The following SYT14 variants were observed in gnomAD, a reference collection of about 807,000 sequenced individuals.
The protein encoded by SYT14 is synaptotagmin-14.
A neutral mutation model predicts 74.2 loss-of-function variants in SYT14; 32 were observed. That is an observed-to-expected ratio of 0.43 (90% CI 0.33 to 0.58). The LOEUF (loss-of-function observed/expected upper bound fraction) is 0.58, where lower values mean the gene tolerates loss of function less well. SYT14 is among the 20% of genes least tolerant of loss of function. The pLI is 0.05. For missense variants in SYT14, 791 were observed against 981.8 expected (o/e 0.81, Z 2.60); for synonymous variants, 298 against 337.7 (o/e 0.88, Z 1.29).
At chr1:210,112,392 A>G (rs1198208810) in intron 7 of SYT14, among the ~76,000 whole-genome samples, 1 of 151,500 alleles carries the variant, frequency 6.6e-6, no homozygotes, top group Non-Finnish European at 1.5e-5. Context: ...TCTAAGAGGC[A>G]GGCTAGTGGC....
In SYT14 at chr1:210,008,427, G is replaced by A. The variant is rs141331958; in HGVS notation, c.-485-5206G>A. ...CGCTCAGGCTGGAATGCAGTGGCGC[G>A]ATCTCAGCTCACTGCAGCCTCTGCC... On this transcript the variant is annotated intron_variant, in intron 2 of 9. Coordinates refer to ENST00000637265, the Ensembl canonical transcript of SYT14. Among the ~76,000 whole-genome samples, 1,142 of 152,110 alleles carry A rather than the reference G, an allele frequency of 7.5e-3. 18 individuals carry two copies. Among genetic ancestry groups the A allele is most frequent in the African/African-American group, 0.026 (1,087 of 41,500 alleles).
chr1:210,160,290 C>T (rs2083347105), intron 9 of SYT14, among the ~76,000 whole-genome samples: 1 of 151,880 alleles, frequency 6.6e-6, no homozygotes, highest in African/African-American at 2.4e-5. Flanking sequence ...TTTGTTTATT[C>T]TTATTCTCTG....
intron 2 of SYT14, among the ~76,000 whole-genome samples, chr1:209,956,258 G>C (rs984735642): frequency 1.4e-5 from 2 of 143,588 alleles, no homozygotes; most frequent in African/African-American, 5.3e-5. Flanking sequence ...TCAAGGTACT[G>C]TTAGCTGCTG....
At chr1:209,964,503 C>T (rs1214512073) in intron 2 of SYT14, among the ~76,000 whole-genome samples, 1 of 152,064 alleles carries the variant, frequency 6.6e-6, no homozygotes, top group African/African-American at 2.4e-5. Flanking sequence ...AAAAGGGTTT[C>T]TTGCATTAGT....
chr1:210,145,181 C>G (rs189635476), intron 7 of SYT14, among the ~76,000 whole-genome samples: 1 of 152,110 alleles, frequency 6.6e-6, no homozygotes, highest in East Asian at 1.9e-4. Flanking sequence ...TGTTTTGCTA[C>G]AGGGTAAAAA....
chr1:209,967,823 T>C (rs2079178840), intron 2 of SYT14, among the ~76,000 whole-genome samples: 1 of 152,104 alleles, frequency 6.6e-6, no homozygotes, highest in African/African-American at 2.4e-5. Flanking sequence ...TTCTGATCTT[T>C]ATTATTTCCT....
intron 7 of SYT14, among the ~76,000 whole-genome samples, chr1:210,135,507 G>A (rs758526805): frequency 5.3e-5 from 8 of 151,902 alleles, no homozygotes; most frequent in Admixed American, 4.6e-4. Flanking sequence ...TTGAACCATG[G>A]GACATATTTA....
exon 10 of SYT14, chr1:210,166,967 GA>G (rs1273077288): frequency 9.2e-5 from 14 of 152,020 alleles, no homozygotes; most frequent in South Asian, 4.2e-4. Flanking sequence ...ATTTAATAAT[GA>G]ATTTCTGTAC....
chr1:210,138,212 A>G lies in SYT14; in HGVS notation c.2035-17509A>G, dbSNP rs545631778. 2.1e-4 allele frequency among the ~76,000 whole-genome samples: 32 copies of G among 152,328 alleles called. No individual in the cohort carries two copies. The South Asian group carries it at 6.0e-3, about 29-fold the overall frequency. ...AGTCTCACAACCATGGTGGAGGCAAATGAGGAGCAAAGTCACATCTTACAT... is the reference window on the plus strand; with the variant it reads ...AGTCTCACAACCATGGTGGAGGCAAGTGAGGAGCAAAGTCACATCTTACAT... On this transcript the variant is annotated intron_variant, in intron 7 of 9. Coordinates refer to ENST00000637265, the Ensembl canonical transcript of SYT14.
Position 209,978,424 on chromosome 1 carries a change from T to G in SYT14, c.-486+25668T>G, listed in dbSNP as rs180752432. ...CTGTTTGTTAGTTTTCCTTCTAACA[T>G]TCAGGACCCTCAGCTGCAGGTCTGT... is the stretch of plus-strand genomic sequence containing the variant. On this transcript the variant is annotated intron_variant, in intron 2 of 9. Transcript: ENST00000637265. Among the ~76,000 whole-genome samples the G allele has an allele frequency of 6.2e-3, 934 of 151,582 alleles. 8 individuals are homozygous for G. The highest frequency in any genetic ancestry group is 0.019 in the African/African-American group (763 of 41,114).
At chr1:210,139,969 C>G (rs150322187) in intron 7 of SYT14, among the ~76,000 whole-genome samples, 72 of 152,202 alleles carry the variant, frequency 4.7e-4, no homozygotes, top group Middle Eastern at 3.4e-3. Flanking sequence ...CATATAGTTT[C>G]ATTTCTCTTG....
chr1:210,125,149 T>TCCATC lies in SYT14; in HGVS notation c.2034+24688_2034+24689insCCATC, dbSNP rs1256859340. On this transcript the variant is annotated intron_variant, in intron 7 of 9. Coordinates refer to ENST00000637265, the Ensembl canonical transcript of SYT14. ...CATAATGCTGGAGTTTGAGCTTCTA[T>TCCATC]TGAACCCATCACCCAAGTAGTGAGC... Among the ~76,000 whole-genome samples the TCCATC allele has an allele frequency of 1.6e-4, 24 of 152,118 alleles. 1 individual carries two copies. The highest frequency in any genetic ancestry group is 3.9e-4 in the Admixed American group (6 of 15,280).
exon 3 of SYT14, chr1:210,013,674 T>C (rs1477209026): frequency 6.2e-7 from 1 of 1,613,188 alleles, no homozygotes. Context: ...TGTTGGGGTG[T>C]TTATTATCTT....
At chr1:210,161,666 A>T (rs1409661055) in exon 10 of SYT14, 4 of 453,636 alleles carry the variant, frequency 8.8e-6, no homozygotes, top group Admixed American at 7.1e-5. Flanking sequence ...TCATACAGGA[A>T]TTTTTTTAAT....
intron 5 of SYT14, among the ~76,000 whole-genome samples, chr1:210,079,194 CAATTT>C (rs2081572549): frequency 1.3e-5 from 2 of 151,846 alleles, no homozygotes; most frequent in Non-Finnish European, 2.9e-5. Flanking sequence ...GAGATCATTT[CAATTT>C]AATTTAAATA....
chr1:210,138,842 A>G (rs2082846051), intron 7 of SYT14, among the ~76,000 whole-genome samples: 1 of 152,216 alleles, frequency 6.6e-6, no homozygotes, highest in African/African-American at 2.4e-5. Flanking sequence ...TGACATTGCA[A>G]GACAAGGTAA....
exon 10 of SYT14, chr1:210,160,794 A>G (rs543586028): frequency 1.2e-6 from 2 of 1,614,042 alleles, no homozygotes; most frequent in Admixed American, 1.7e-5. Context: ...CAAGACATCC[A>G]TCCGCAGAGG....
chr1:210,056,246 T>G (rs868404419), intron 5 of SYT14, among the ~76,000 whole-genome samples: 30 of 151,926 alleles, frequency 2.0e-4, no homozygotes, highest in African/African-American at 6.8e-4. Context: ...AGTGAAACTG[T>G]GGGTGAAGGA....
chr1:209,993,853 G>A (rs774199099), intron 2 of SYT14, among the ~76,000 whole-genome samples: 5 of 152,068 alleles, frequency 3.3e-5, no homozygotes. Flanking sequence ...CTAGCTACTG[G>A]CCATTACTCT....
Sources: gnomAD v4.1 joint callset for allele counts (sites outside exome capture counted in the v4.1 genomes callset) on GRCh38, gnomAD v4.1.1 for gene constraint, MANE v1.5 for transcripts, NCBI Gene and HGNC (gene_info 2026-07-23, HGNC 2026-07-21) for gene names.